IFT88: variants seen among roughly 807,000 people sequenced by gnomAD.
IFT88 encodes intraflagellar transport protein 88 homolog.
Under a neutral mutation model 119.5 loss-of-function variants are expected in IFT88, and 74 were observed. The observed-to-expected ratio is 0.62, with a 90% CI of 0.51 to 0.75. IFT88 has a LOEUF of 0.75. Ranked by LOEUF, IFT88 falls within the 30% of genes least tolerant of loss-of-function variation. The pLI, the probability that IFT88 is intolerant of heterozygous loss-of-function variation, is 0.00. For missense variants in IFT88, 961 were observed against 977.7 expected, an observed-to-expected ratio of 0.98 and a Z score of 0.23; for synonymous variants, 279 against 316.7, an observed-to-expected ratio of 0.88 and a Z score of 1.26.
intron 21 of IFT88, among the ~76,000 whole-genome samples, chr13:20,655,162 A>G (rs549029815): frequency 2.6e-5 from 4 of 152,336 alleles, no homozygotes; most frequent in East Asian, 1.9e-4. Flanking sequence ...GGCCGGACAC[A>G]GTGGCTCACG....
intron 15 of IFT88, among the ~76,000 whole-genome samples, chr13:20,626,134 C>T (rs1450222516): frequency 8.1e-6 from 1 of 123,878 alleles, no homozygotes; most frequent in Non-Finnish European, 1.6e-5. Context: ...GATCTACACT[C>T]ACTGCAAGCT....
At chr13:20,579,440 C>T (rs140997119) in intron 2 of IFT88, among the ~76,000 whole-genome samples, 24 of 152,302 alleles carry the variant, frequency 1.6e-4, no homozygotes, top group African/African-American at 5.5e-4. Flanking sequence ...ACAACAGACC[C>T]GCAGAGAGTA....
rs371142526 is a variant in IFT88, at chr13:20,637,734, A to C, written c.1387-598A>C. ...AGGTCTGCATTCCAGATGTCACACA[A>C]GTTCCTCTTTTGGCCAAGTCTAGAC... is the stretch of plus-strand genomic sequence containing the variant. On this transcript the variant is annotated intron_variant, in intron 16 of 25. Transcript: ENST00000351808. 5.5e-4 allele frequency among the ~76,000 whole-genome samples: 84 copies of C among 152,312 alleles called. 1 individual carries two copies. In the South Asian group the frequency reaches 0.016, roughly 29 times the overall value.
Position 20,631,019 on chromosome 13 carries a change from G to T in IFT88, c.1303G>T (p.Val435Leu), listed in dbSNP as rs768319283. The change falls in exon 16 of 26, where the codon GTA becomes TTA. Residue 435 changes from valine to leucine, a missense_variant. Physicochemically the swap from Val to Leu is conservative, Grantham distance 32. Transcript: ENST00000351808. ...YLRQKDYNQA[V>L]EILKVLEKKD... ...CCTTCAGATATTCCATTTCTAGGCT[G>T]TAGAGATCTTAAAAGTGTTGGAAAA... The T allele has an allele frequency of 6.4e-7, 1 of 1,567,128 alleles. No individual in the cohort carries two copies. Among genetic ancestry groups the T allele is most frequent in the South Asian group, 1.1e-5 (1 of 89,904 alleles).
At chr13:20,592,683 T>G (rs1335636549) in intron 7 of IFT88, among the ~76,000 whole-genome samples, 1 of 152,168 alleles carries the variant, frequency 6.6e-6, no homozygotes, top group Non-Finnish European at 1.5e-5. Context: ...CTGGCTAGGC[T>G]GGTCTCGAAC....
chr13:20,645,793 T>G (rs1486959183), intron 20 of IFT88, among the ~76,000 whole-genome samples: 1 of 152,234 alleles, frequency 6.6e-6, no homozygotes, highest in African/African-American at 2.4e-5. Context: ...CAAATGCCCC[T>G]TAGAATAATT....
rs2058434755 is a variant in IFT88 at position 20,691,180 on chromosome 13, C to G, written c.*5C>G. 1 of 1,610,090 alleles carries G rather than the reference C, an allele frequency of 6.2e-7. No individual in the cohort carries two copies. Among genetic ancestry groups the G allele is most frequent in the Non-Finnish European group, 8.5e-7 (1 of 1,177,246 alleles). On this transcript the variant is annotated 3_prime_UTR_variant, in exon 26 of 26. Coordinates refer to ENST00000351808, the MANE Select transcript of IFT88 (RefSeq NM_006531.5). ...GATGATTTGCTTCCAGAATAATATT[C>G]ACTTTAATATTTATTAAAGGAAAGA...
chr13:20,609,249 G>A (rs1366164349), intron 13 of IFT88, among the ~76,000 whole-genome samples: 3 of 152,182 alleles, frequency 2.0e-5, no homozygotes, highest in Non-Finnish European at 4.4e-5. Context: ...GTGTTTCAAA[G>A]CTTCGAGAGA....
chr13:20,652,539 C>A (rs1241320518), intron 20 of IFT88, among the ~76,000 whole-genome samples: 1 of 151,722 alleles, frequency 6.6e-6, no homozygotes, highest in African/African-American at 2.4e-5. Context: ...GAGGCTGAGC[C>A]CGGGAAGGGG....
At chr13:20,600,668 G>C (rs888509799) in intron 11 of IFT88, among the ~76,000 whole-genome samples, 13 of 152,106 alleles carry the variant, frequency 8.5e-5, no homozygotes, top group Non-Finnish European at 7.3e-5. Context: ...CATTCACTGA[G>C]ATGTCAAATG....
chr13:20,577,786 G>A (rs1234975320), intron 2 of IFT88, among the ~76,000 whole-genome samples: 1 of 152,092 alleles, frequency 6.6e-6, no homozygotes, highest in Admixed American at 6.6e-5. Context: ...TTGCATCAAT[G>A]TTCATCAGGG....
At chr13:20,607,184 G>A (rs529204338) in intron 13 of IFT88, 19 of 393,128 alleles carry the variant, frequency 4.8e-5, no homozygotes, top group South Asian at 2.2e-4. Context: ...GCTGCTGCAC[G>A]CCTGGCGCTT....
chr13:20,687,022 CAAAAAAAAAAAAA>C lies in IFT88; in HGVS notation c.2243-3668_2243-3656del, dbSNP rs370247448. On this transcript the variant is annotated intron_variant, in intron 24 of 25. Coordinates refer to ENST00000351808, the MANE Select transcript of IFT88 (RefSeq NM_006531.5). ...CCCAGCTTAAAAGTCACTTTCTTAC[CAAAAAAAAAAAAA>C]AAAAAAAAAAAAAACCTCATATTTA... Among the ~76,000 whole-genome samples, 97 of 59,806 alleles carry C rather than the reference CAAAAAAAAAAAAA, an allele frequency of 1.6e-3. 1 individual carries two copies. The highest frequency in any genetic ancestry group is 3.6e-3 in the East Asian group (2 of 562). 39.2% of individuals were successfully genotyped at this position (59,806 alleles called of 152,430 possible).
intron 13 of IFT88, among the ~76,000 whole-genome samples, chr13:20,611,868 AT>A (rs1350154404): frequency 2.6e-5 from 4 of 152,216 alleles, no homozygotes; most frequent in Non-Finnish European, 5.9e-5. Context: ...GGCCTCCCAA[AT>A]TGCTGGGATT....
chr13:20,634,180 C>T (rs561181442), intron 16 of IFT88, among the ~76,000 whole-genome samples: 4 of 152,240 alleles, frequency 2.6e-5, no homozygotes, highest in South Asian at 2.1e-4. Context: ...GGTTCTTGTG[C>T]GCATTGAGTT....
intron 14 of IFT88, among the ~76,000 whole-genome samples, chr13:20,618,570 C>T (rs1385550024): frequency 6.6e-6 from 1 of 152,130 alleles, no homozygotes; most frequent in Non-Finnish European, 1.5e-5. Flanking sequence ...ATATAAATCC[C>T]ACATACAGCT....
chr13:20,599,023 T>C (rs921537459), intron 10 of IFT88, among the ~76,000 whole-genome samples: 4 of 152,078 alleles, frequency 2.6e-5, no homozygotes, highest in African/African-American at 9.7e-5. Context: ...CTTTTCCTTA[T>C]ATAAATTTAT....
Position 20,590,958 on chromosome 13 carries a change from G to A in IFT88, c.211-9G>A. 1.9e-6 allele frequency: 3 copies of A among 1,596,868 alleles called. No homozygotes were observed. Among genetic ancestry groups the A allele is most frequent in the Non-Finnish European group, 2.6e-6 (3 of 1,169,360 alleles). On this transcript the variant is annotated splice_polypyrimidine_tract_variant and intron_variant, in intron 4 of 25. Transcript: ENST00000351808. The stretch of plus-strand genomic sequence containing the variant: ...GGAATCTTTTTAACTTAACTTTTCT[G>A]TTTACTAGTCCAAGACATCTCTGGC...
Position 20,597,025 on chromosome 13 carries a change from A to G in IFT88, c.500A>G (p.Lys167Arg). ...TAAATCTGATTTCAGGCCTTAGAAA[A>G]GGCAAAAGATGCAGGAAGAAAAGAG... ...SCGDLKLALE[K>R]AKDAGRKERV... Residue 167 changes from lysine to arginine, a missense_variant, in exon 9 of 26, where the codon AAG (lysine) becomes AGG (arginine). Coordinates refer to ENST00000351808, the MANE Select transcript of IFT88 (RefSeq NM_006531.5). 1 of 1,598,570 alleles carries G rather than the reference A, an allele frequency of 6.3e-7. No homozygotes were observed.
Sources: allele counts gnomAD v4.1 joint callset (sites outside exome capture counted in the v4.1 genomes callset), GRCh38; gene constraint gnomAD v4.1.1; transcripts MANE v1.5; gene names NCBI Gene and HGNC (gene_info 2026-07-23, HGNC 2026-07-21).